The following USH2A variants were observed in gnomAD, a reference collection of about 807,000 sequenced individuals.
USH2A encodes the protein usherin, also known as Usher syndrome 2A (autosomal recessive, mild).
In USH2A, 443 loss-of-function variants were observed where a neutral mutation model predicts 538.9. The ratio of observed to expected loss-of-function variants is 0.82; its 90% CI spans 0.76 to 0.89. USH2A has a LOEUF of 0.89. Ranked by LOEUF, USH2A falls within the 40% of genes least tolerant of loss-of-function variation. The probability of loss-of-function intolerance (pLI) is 0.00; values close to 1 mark genes in which losing one functional copy is unlikely to be tolerated. For synonymous variants in USH2A, 2,413 were observed against 2,273.5 expected (o/e 1.06, Z -1.75); for missense variants, 6,633 against 6,324.8 (o/e 1.05, Z -1.65).
intron 37 of USH2A, among the ~76,000 whole-genome samples, chr1:215,935,935 C>T (rs866960557): frequency 2.0e-5 from 3 of 151,928 alleles, no homozygotes; most frequent in Admixed American, 6.6e-5. Flanking sequence ...GTTCTAGCTA[C>T]TCAGGAGGCT....
chr1:216,300,903 C>T (rs2037203085), intron 9 of USH2A, among the ~76,000 whole-genome samples: 1 of 151,858 alleles, frequency 6.6e-6, no homozygotes, highest in East Asian at 1.9e-4. Context: ...CACACATCAC[C>T]ATGCCCAGCT....
At chr1:216,233,412 T>C in intron 13 of USH2A, among the ~76,000 whole-genome samples, 1 of 152,156 alleles carries the variant, frequency 6.6e-6, no homozygotes, top group African/African-American at 2.4e-5. Flanking sequence ...TAGCATCCTG[T>C]TTGTTTCCTA....
Position 215,817,176 on chromosome 1 carries a change from C to T in USH2A, c.9391G>A (p.Val3131Met), listed in dbSNP as rs771903131. Residue 3131 changes from valine to methionine, a missense_variant, in exon 48 of 72, where the codon GTG becomes ATG. Transcript: ENST00000307340. ...ATGCCATTTGGCTTCCGTGGAGACA[C>T]CCAATCAATTTGAAGAGATCTGCAA... ...ITSRSLQIDW[V>M]SPRKPNGIIL... 3 of 1,612,026 alleles carry T rather than the reference C, an allele frequency of 1.9e-6. No homozygotes were observed. Among genetic ancestry groups the T allele is most frequent in the Admixed American group, 1.7e-5 (1 of 59,842 alleles).
intron 60 of USH2A, among the ~76,000 whole-genome samples, chr1:215,735,085 T>C: frequency 2.6e-5 from 4 of 152,348 alleles, no homozygotes; most frequent in Middle Eastern, 6.8e-3. Context: ...TGGGAGCAAG[T>C]GATTGCAGCA....
chr1:215,804,977 C>A (rs1231250493), intron 49 of USH2A, among the ~76,000 whole-genome samples: 1 of 152,102 alleles, frequency 6.6e-6, no homozygotes, highest in Non-Finnish European at 1.5e-5. Context: ...AGTTCATGTT[C>A]TTTGTAGGGA....
At chr1:216,163,719 A>G (rs1409524004) in intron 21 of USH2A, among the ~76,000 whole-genome samples, 3 of 152,080 alleles carry the variant, frequency 2.0e-5, no homozygotes, top group Non-Finnish European at 4.4e-5. Context: ...TTGCTCTTCT[A>G]GGATTTCAAT....
intron 11 of USH2A, among the ~76,000 whole-genome samples, chr1:216,278,522 T>C (rs1018464930): frequency 6.6e-6 from 1 of 152,214 alleles, no homozygotes; most frequent in African/African-American, 2.4e-5. Context: ...ATATTACTAC[T>C]AAACTTCCCT....
Position 216,175,351 on chromosome 1 carries a change from G to T in USH2A, c.4528C>A (p.Pro1510Thr). 1 of 1,613,806 alleles carries T rather than the reference G, an allele frequency of 6.2e-7. No homozygotes were observed. Among genetic ancestry groups the T allele is most frequent in the African/African-American group, 1.3e-5 (1 of 75,028 alleles). ...YQLERRESSL[P>T]ALMTTMMKGI... Reference sequence around the variant, plus strand: ...TTCATCATCGTGGTCATCAGAGCTGGTAGAGATGACTCTCTCCTTTCCAGC... The same window carrying T: ...TTCATCATCGTGGTCATCAGAGCTGTTAGAGATGACTCTCTCCTTTCCAGC... The change falls in exon 21 of 72, where the codon CCA becomes ACA. Residue 1510 changes from proline to threonine, a missense_variant. Physicochemically the swap from Pro to Thr is conservative, Grantham distance 38. Coordinates refer to ENST00000307340, the MANE Select transcript of USH2A (RefSeq NM_206933.4).
At chr1:215,962,147 A>G (rs1667218540) in intron 37 of USH2A, among the ~76,000 whole-genome samples, 1 of 152,078 alleles carries the variant, frequency 6.6e-6, no homozygotes, top group Non-Finnish European at 1.5e-5. Flanking sequence ...ATTGGCAAAG[A>G]TAAGTCTGAC....
At chr1:215,778,747 T>C (rs1410250257) in intron 55 of USH2A, among the ~76,000 whole-genome samples, 6 of 152,218 alleles carry the variant, frequency 3.9e-5, no homozygotes, top group African/African-American at 9.6e-5. Context: ...GGAAAGTTTA[T>C]ACAATCTTGC....
intron 60 of USH2A, among the ~76,000 whole-genome samples, chr1:215,730,684 C>G (rs758013172): frequency 1.3e-5 from 2 of 152,182 alleles, no homozygotes; most frequent in African/African-American, 2.4e-5. Flanking sequence ...ATCTGATGAT[C>G]CTTAAGTTGA....
At chr1:216,255,577 C>A (rs1280459032) in intron 11 of USH2A, among the ~76,000 whole-genome samples, 1 of 152,084 alleles carries the variant, frequency 6.6e-6, no homozygotes, top group African/African-American at 2.4e-5. Flanking sequence ...AATTTAACTG[C>A]AGCCCCATAA....
At chr1:215,667,014 C>T (rs184039765) in intron 64 of USH2A, among the ~76,000 whole-genome samples, 19 of 152,146 alleles carry the variant, frequency 1.2e-4, no homozygotes, top group Non-Finnish European at 2.1e-4. Flanking sequence ...TTGACTGAAC[C>T]GGGGAGTTGG....
chr1:215,773,470 A>C (rs1661349761), intron 55 of USH2A, among the ~76,000 whole-genome samples: 2 of 145,490 alleles, frequency 1.4e-5, no homozygotes, highest in African/African-American at 2.7e-5. Flanking sequence ...TCCCCACTTT[A>C]CGGATGTCTC....
chr1:216,145,928 C>T (rs1227128363), intron 21 of USH2A, among the ~76,000 whole-genome samples: 3 of 152,100 alleles, frequency 2.0e-5, no homozygotes, highest in Non-Finnish European at 4.4e-5. Flanking sequence ...ATAAAACGGC[C>T]CCACCCTTAT....
intron 44 of USH2A, among the ~76,000 whole-genome samples, chr1:215,857,015 G>A (rs1664189249): frequency 6.6e-6 from 1 of 152,076 alleles, no homozygotes; most frequent in Admixed American, 6.6e-5. Flanking sequence ...GAGCTAAACT[G>A]TAAGGATGCA....
intron 9 of USH2A, among the ~76,000 whole-genome samples, chr1:216,303,334 A>T (rs1320195837): frequency 6.6e-6 from 1 of 151,928 alleles, no homozygotes; most frequent in African/African-American, 2.4e-5. Context: ...TTTACAAAGG[A>T]CTTCAATGAA....
chr1:215,776,308 A>G (rs73088895), intron 55 of USH2A, among the ~76,000 whole-genome samples: 17,548 of 152,228 alleles, frequency 0.12, 1,061 homozygotes, highest in South Asian at 0.2. Context: ...AAAACGCTTC[A>G]GTTTACTTAA....
intron 21 of USH2A, among the ~76,000 whole-genome samples, chr1:216,145,900 T>A (rs1018989735): frequency 3.3e-5 from 5 of 151,868 alleles, no homozygotes; most frequent in African/African-American, 1.2e-4. Flanking sequence ...GTAATTTTCC[T>A]TTACCTACCC....
Sources: gnomAD v4.1 joint callset for allele counts (sites outside exome capture counted in the v4.1 genomes callset) on GRCh38, gnomAD v4.1.1 for gene constraint, MANE v1.5 for transcripts, NCBI Gene and HGNC (gene_info 2026-07-23, HGNC 2026-07-21) for gene names.